Variants in MYCBP2 observed in about 807,000 individuals in gnomAD.
The protein encoded by MYCBP2 is E3 ubiquitin-protein ligase MYCBP2.
Under a neutral mutation model 525.3 loss-of-function variants are expected in MYCBP2, and 120 were observed. The ratio of observed to expected loss-of-function variants is 0.23; its 90% CI spans 0.20 to 0.27. MYCBP2 has a LOEUF of 0.27. MYCBP2 is among the 10% of genes least tolerant of loss of function. The pLI, the probability that MYCBP2 is intolerant of heterozygous loss-of-function variation, is 1.00. For missense variants in MYCBP2, 4,149 were observed against 5,657.1 expected, an observed-to-expected ratio of 0.73 and a Z score of 8.55; for synonymous variants, 1,894 against 1,955.8, an observed-to-expected ratio of 0.97 and a Z score of 0.83.
intron 18 of MYCBP2, among the ~76,000 whole-genome samples, chr13:77,227,585 A>T (rs912386572): frequency 6.6e-6 from 1 of 151,958 alleles, no homozygotes; most frequent in Non-Finnish European, 1.5e-5. Context: ...GCTTTATCTC[A>T]ATTGGTAAAA....
chr13:77,103,813 G>A (rs2047441166), intron 55 of MYCBP2, among the ~76,000 whole-genome samples: 1 of 151,930 alleles, frequency 6.6e-6, no homozygotes. Flanking sequence ...ACTGTGTTTG[G>A]CTACTTTTCT....
At position 77,224,522 on chromosome 13, in the gene MYCBP2, C is replaced by T; in HGVS notation, c.2868G>A (p.Met956Ile). 2 of 1,604,776 alleles carry T rather than the reference C, an allele frequency of 1.2e-6. No homozygotes were observed. The highest frequency in any genetic ancestry group is 1.3e-5 in the African/African-American group (1 of 74,838). The change falls in exon 20 of 83, where the codon ATG (methionine) becomes ATA (isoleucine). Residue 956 changes from methionine to isoleucine, a missense_variant. By Grantham distance (10) the Met-to-Ile change is conservative. Coordinates refer to ENST00000544440, the MANE Select transcript of MYCBP2 (RefSeq NM_015057.5). Reference sequence around the variant, plus strand: ...CAAATGTATAGACATCTCCATTTTCCATTAAAACCACTGCAACCAAAACAC... The same window carrying T: ...CAAATGTATAGACATCTCCATTTTCTATTAAAACCACTGCAACCAAAACAC... ...SCGFHHSVVLMENGDVYTFGY... is the reference protein window; with the variant it reads ...SCGFHHSVVLIENGDVYTFGY...
At chr13:77,268,935 G>A (rs987968390) in intron 7 of MYCBP2, among the ~76,000 whole-genome samples, 7 of 152,116 alleles carry the variant, frequency 4.6e-5, no homozygotes, top group Admixed American at 1.3e-4. Context: ...GCTCAGCAAG[G>A]CAGGCATGCA....
intron 4 of MYCBP2, among the ~76,000 whole-genome samples, chr13:77,277,390 T>C (rs772644177): frequency 6.6e-6 from 1 of 152,180 alleles, no homozygotes; most frequent in Non-Finnish European, 1.5e-5. Context: ...TATTTGGTAA[T>C]AGCTTTTAAT....
chr13:77,182,343 G>C (rs2060288016), intron 32 of MYCBP2, among the ~76,000 whole-genome samples: 1 of 152,046 alleles, frequency 6.6e-6, no homozygotes, highest in Non-Finnish European at 1.5e-5. Flanking sequence ...GCTATTACAA[G>C]CACATTTCAC....
Position 77,140,859 on chromosome 13 carries a change from G to C in MYCBP2, c.7388C>G (p.Pro2463Arg). ...GTQLVKPKSE[P>R]QPNKVRKFVA... ...TTCTGCCCTAACCTTATTAGGCTGAGGTTCAGACTTTGGTTTGACCAACTG... is the reference window on the plus strand; with the variant it reads ...TTCTGCCCTAACCTTATTAGGCTGACGTTCAGACTTTGGTTTGACCAACTG... Residue 2463 changes from proline to arginine, a missense_variant, in exon 50 of 83, where the codon CCT becomes CGT. By Grantham distance (103) the Pro-to-Arg change is moderately radical. Transcript: ENST00000544440. 2 of 1,610,706 alleles carry C rather than the reference G, an allele frequency of 1.2e-6. No homozygotes were observed. The highest frequency in any genetic ancestry group is 1.7e-6 in the Non-Finnish European group (2 of 1,178,672).
chr13:77,118,543 T>C (rs758086571), intron 55 of MYCBP2: 1 of 759,680 alleles, frequency 1.3e-6, no homozygotes, highest in South Asian at 1.4e-5. Context: ...TTCATTAACA[T>C]CCAAAATGGC....
intron 73 of MYCBP2, among the ~76,000 whole-genome samples, chr13:77,063,652 A>G (rs1186569897): frequency 1.3e-5 from 2 of 151,936 alleles, no homozygotes; most frequent in Non-Finnish European, 2.9e-5. Flanking sequence ...ATATAGAATG[A>G]TATATCCCCT....
intron 59 of MYCBP2, among the ~76,000 whole-genome samples, chr13:77,092,765 A>G (rs765691026): frequency 8.6e-5 from 13 of 152,044 alleles, no homozygotes; most frequent in Non-Finnish European, 1.8e-4. Flanking sequence ...ACAAGTTTCT[A>G]TTCAGCTTTC....
intron 38 of MYCBP2, among the ~76,000 whole-genome samples, chr13:77,170,343 G>A (rs377597588): frequency 2.6e-5 from 4 of 152,258 alleles, no homozygotes; most frequent in South Asian, 4.1e-4. Context: ...GATAAGCTGA[G>A]CCTATACTGT....
chr13:77,100,891 G>A (rs1379675443), intron 55 of MYCBP2, among the ~76,000 whole-genome samples: 1 of 151,990 alleles, frequency 6.6e-6, no homozygotes, highest in Admixed American at 6.6e-5. Context: ...TCTTGGGAGA[G>A]CACAGATAAA....
At chr13:77,196,431 T>C (rs2061756600) in intron 26 of MYCBP2, among the ~76,000 whole-genome samples, 2 of 152,058 alleles carry the variant, frequency 1.3e-5, no homozygotes, top group South Asian at 4.2e-4. Context: ...ACAGAACAAA[T>C]GGGGTGAGGA....
intron 52 of MYCBP2, among the ~76,000 whole-genome samples, chr13:77,127,908 C>T (rs1411536877): frequency 6.6e-6 from 1 of 151,684 alleles, no homozygotes; most frequent in African/African-American, 2.4e-5. Flanking sequence ...TGATGAATAA[C>T]CAATTTTTAC....
intron 70 of MYCBP2, among the ~76,000 whole-genome samples, 157 bp downstream of exon 70, chr13:77,068,407 GT>G (rs1380916004): frequency 1.8e-4 from 23 of 125,984 alleles, no homozygotes; most frequent in Non-Finnish European, 6.7e-5. Flanking sequence ...ACTATAAACA[GT>G]AAAAAAGGGA....
chr13:77,075,740 G>C (rs1361424492), intron 68 of MYCBP2: 1 of 152,150 alleles, frequency 6.6e-6, no homozygotes, highest in Non-Finnish European at 1.5e-5. Context: ...TTGAGGGCTT[G>C]CCATTCTCAC....
chr13:77,199,313 T>C (rs577020065), intron 26 of MYCBP2, among the ~76,000 whole-genome samples: 5 of 152,372 alleles, frequency 3.3e-5, no homozygotes, highest in African/African-American at 7.2e-5. Flanking sequence ...CACTCCCACC[T>C]GAATACTGCA....
Position 77,262,079 on chromosome 13 carries a change from C to T in MYCBP2, c.1621G>A (p.Ala541Thr). The T allele has an allele frequency of 6.2e-7, 1 of 1,611,434 alleles. No homozygotes were observed. The highest frequency in any genetic ancestry group is 8.5e-7 in the Non-Finnish European group (1 of 1,178,388). Residue 541 changes from alanine (A) to threonine (T), a missense_variant, in exon 11 of 83, where the codon GCG (alanine) becomes ACG (threonine). Physicochemically the swap from Ala to Thr is moderately conservative, Grantham distance 58. Coordinates refer to ENST00000544440, the MANE Select transcript of MYCBP2 (RefSeq NM_015057.5). Reference protein sequence around the residue: ...SAILGAGREFALMKTANGKIY... With the variant: ...SAILGAGREFTLMKTANGKIY... ...TTTCCATTTGCTGTTTTCATTAGCG[C>T]AAACTCTCGTCCTGCACCAAGAATT...
In MYCBP2 at chr13:77,247,060, A is replaced by C. The variant is rs536827288; in HGVS notation, c.2382-3109T>G. On this transcript the variant is annotated intron_variant, in intron 15 of 82. Coordinates refer to ENST00000544440, the MANE Select transcript of MYCBP2 (RefSeq NM_015057.5). Reference sequence around the variant, plus strand: ...TCCTCGTAATATCAGGAAGAAGACAAGGATGCTCACTTTGACCAATCCTAA... The same window carrying C: ...TCCTCGTAATATCAGGAAGAAGACACGGATGCTCACTTTGACCAATCCTAA... Among the ~76,000 whole-genome samples, 13 of 152,374 alleles carry C rather than the reference A, an allele frequency of 8.5e-5. No individual in the cohort carries two copies. In the East Asian group the frequency reaches 1.9e-3, roughly 23 times the overall value.
chr13:77,143,159 T>C (rs1205769228), intron 49 of MYCBP2, among the ~76,000 whole-genome samples: 1 of 152,208 alleles, frequency 6.6e-6, no homozygotes, highest in Non-Finnish European at 1.5e-5. Flanking sequence ...TTAATGGTTG[T>C]GATGATTACT....
Sources: gnomAD v4.1 joint callset for allele counts (sites outside exome capture counted in the v4.1 genomes callset) on GRCh38, gnomAD v4.1.1 for gene constraint, MANE v1.5 for transcripts, NCBI Gene and HGNC (gene_info 2026-07-23, HGNC 2026-07-21) for gene names.